METAP2: variants seen among roughly 807,000 people sequenced by gnomAD.
The protein encoded by METAP2 is methionyl aminopeptidase 2, also known as methionine aminopeptidase 2.
METAP2 carries 25 observed loss-of-function variants against 59.4 expected under a neutral mutation model. The observed-to-expected ratio is 0.42, with a 90% CI of 0.31 to 0.59. The LOEUF (loss-of-function observed/expected upper bound fraction) is 0.59, where lower values mean the gene tolerates loss of function less well. Among genes scored for constraint, METAP2 ranks in the 20% least tolerant of loss-of-function variants. The pLI is 0.16. For missense variants in METAP2, 366 were observed against 581.2 expected (o/e 0.63, Z 3.81); for synonymous variants, 214 against 194.1 (o/e 1.10, Z -0.85).
intron 2 of METAP2, chr12:95,482,266 C>T: frequency 2.5e-6 from 1 of 399,282 alleles, no homozygotes; most frequent in Non-Finnish European, 5.0e-6. Flanking sequence ...CGCATACCAC[C>T]ACACCTGGAT....
At chr12:95,478,787 A>C (rs2140137885) in intron 2 of METAP2, among the ~76,000 whole-genome samples, 1 of 152,326 alleles carries the variant, frequency 6.6e-6, no homozygotes, top group Non-Finnish European at 1.5e-5. Flanking sequence ...AAGGAATAGA[A>C]CTTGAGTAAA....
At position 95,485,977 on chromosome 12, in the gene METAP2, G is replaced by T. The variant is rs1016166036; in HGVS notation, c.424G>T (p.Asp142Tyr). Residue 142 changes from aspartate (D) to tyrosine (Y), a missense_variant, in exon 4 of 11, where the codon GAT (aspartate) becomes TAT (tyrosine). By Grantham distance (160) the Asp-to-Tyr change is radical. Around this residue, in one of 4 missense-constraint regions of METAP2, gnomAD observed 177 missense variants for 180.3 expected, o/e 0.98. Coordinates refer to ENST00000323666, the MANE Select transcript of METAP2 (RefSeq NM_006838.4). ...AGAATGCGAATACCCACCCACACAA[G>T]ATGGGTAAGGATCATCAAATCACTT... Reference protein sequence around the residue: ...GQECEYPPTQDGRTAAWRTTS... With the variant: ...GQECEYPPTQYGRTAAWRTTS... The T allele has an allele frequency of 6.4e-7, 1 of 1,558,556 alleles. No individual in the cohort carries two copies.
intron 8 of METAP2, among the ~76,000 whole-genome samples, chr12:95,506,907 C>T (rs77496390): frequency 0.028 from 4,314 of 151,852 alleles, 197 homozygotes; most frequent in African/African-American, 0.099. Context: ...CTCAGCCTCC[C>T]GAGTAGTTGG....
intron 8 of METAP2, among the ~76,000 whole-genome samples, chr12:95,507,693 C>G (rs67426220): frequency 0.077 from 11,663 of 152,222 alleles, 583 homozygotes; most frequent in African/African-American, 0.13. Flanking sequence ...CTCAGCCTTT[C>G]CCCTAGTGGC....
rs759372911 is a variant in METAP2, at chr12:95,483,258, AAAGAAG to A, written c.314_319del (p.Lys105_Lys106del). The A allele has an allele frequency of 1.9e-6, 3 of 1,611,650 alleles. No homozygotes were observed. The highest frequency in any genetic ancestry group is 1.7e-5 in the Admixed American group (1 of 59,978). ...ATGGAGCAACTGGAAAGAAGAAGAA[AAAGAAG>A]AAGAAGAAGAGAGGACGTTAGTGTC... is the stretch of plus-strand genomic sequence containing the variant. On this transcript the variant is annotated inframe_deletion, in exon 3 of 11. Coordinates refer to ENST00000323666, the MANE Select transcript of METAP2 (RefSeq NM_006838.4).
At chr12:95,498,176 G>T (rs1471164403) in intron 7 of METAP2, among the ~76,000 whole-genome samples, 1 of 150,136 alleles carries the variant, frequency 6.7e-6, no homozygotes, top group African/African-American at 2.4e-5. Context: ...TTGCTTTGTT[G>T]CCCAGGCTGA....
Position 95,483,244 on chromosome 12 carries a change from G to C in METAP2, c.289G>C (p.Gly97Arg). 6.2e-7 allele frequency: 1 copy of C among 1,612,882 alleles called. No homozygotes were observed. The change falls in exon 3 of 11, where the codon GGA becomes CGA. Residue 97 changes from glycine (G) to arginine (R), a missense_variant. Gly to Arg is a moderately radical substitution (Grantham distance 125). Transcript: ENST00000323666. ...AGATGGCGATGGAGATGGAGCAACT[G>C]GAAAGAAGAAGAAAAAGAAGAAGAA... ...DGDGDGDGATGKKKKKKKKKR... is the reference protein window; with the variant it reads ...DGDGDGDGATRKKKKKKKKKR...
At chr12:95,512,042 T>G in intron 9 of METAP2, 44 bp downstream of exon 9, 5 of 1,406,396 alleles carry the variant, frequency 3.6e-6, no homozygotes, top group Non-Finnish European at 5.0e-6. Flanking sequence ...AGACATTTTT[T>G]TCTTCCAAGC....
intron 2 of METAP2, among the ~76,000 whole-genome samples, chr12:95,480,133 A>C: frequency 6.6e-6 from 1 of 152,188 alleles, no homozygotes; most frequent in Non-Finnish European, 1.5e-5. Context: ...AGTATCCTAT[A>C]AATGGAATTA....
chr12:95,508,058 G>A (rs2076375606), intron 8 of METAP2, among the ~76,000 whole-genome samples: 1 of 151,824 alleles, frequency 6.6e-6, no homozygotes, highest in South Asian at 2.1e-4. Flanking sequence ...TGGGATTACA[G>A]GCGTGAGGCA....
At chr12:95,485,123 T>C (rs975607966) in intron 3 of METAP2, among the ~76,000 whole-genome samples, 1 of 152,202 alleles carries the variant, frequency 6.6e-6, no homozygotes, top group African/African-American at 2.4e-5. Context: ...TTGGATGTAA[T>C]ACATTATAAT....
intron 8 of METAP2, among the ~76,000 whole-genome samples, chr12:95,510,164 ATAT>A (rs2076392048): frequency 6.6e-6 from 1 of 152,096 alleles, no homozygotes; most frequent in African/African-American, 2.4e-5. Flanking sequence ...AAAATTTGAA[ATAT>A]TAACACAAAA....
chr12:95,504,280 A>G lies in METAP2; in HGVS notation c.964+119A>G, dbSNP rs2076340175. On this transcript the variant is annotated intron_variant, in intron 8 of 10. Transcript: ENST00000323666. ...TGGTAATTCAAGGAAAGAAGACGGG[A>G]AATGACCTGCTTAGAGCATGGTAGG... is the stretch of plus-strand genomic sequence containing the variant. 5.9e-6 allele frequency: 4 copies of G among 677,220 alleles called. No individual in the cohort carries two copies. In the South Asian group the frequency reaches 7.7e-5, roughly 13 times the overall value. 42.0% of individuals were successfully genotyped at this position (677,220 alleles called of 1,614,324 possible). A position where few individuals can be genotyped will look rare whatever the true frequency, so the allele number is the denominator to read the frequency against.
chr12:95,514,004 AC>A lies in METAP2; in HGVS notation c.*103del. ...CACATGTTGTCTGTTTTAACAGTGG[AC>A]CCATGTAATACTTTTATCCATGTTT... On this transcript the variant is annotated 3_prime_UTR_variant, in exon 11 of 11. Transcript: ENST00000323666. 7.7e-7 allele frequency: 1 copy of A among 1,301,504 alleles called. No individual in the cohort carries two copies. The highest frequency in any genetic ancestry group is 1.5e-5 in the South Asian group (1 of 67,166). 80.6% of individuals were successfully genotyped at this position (1,301,504 alleles called of 1,614,324 possible).
intron 2 of METAP2, among the ~76,000 whole-genome samples, chr12:95,480,016 C>T (rs2076147448): frequency 6.6e-6 from 1 of 152,164 alleles, no homozygotes; most frequent in Non-Finnish European, 1.5e-5. Flanking sequence ...TTTAACATTT[C>T]CATCTCCAGA....
intron 6 of METAP2, among the ~76,000 whole-genome samples, chr12:95,495,379 A>C (rs950649813): frequency 1.3e-5 from 2 of 152,166 alleles, no homozygotes; most frequent in South Asian, 2.1e-4. Context: ...ACTGTTGGGT[A>C]GTTGAGGTTT....
intron 1 of METAP2, among the ~76,000 whole-genome samples, chr12:95,475,262 G>A (rs2076109650): frequency 6.6e-6 from 1 of 152,236 alleles, no homozygotes; most frequent in Non-Finnish European, 1.5e-5. Context: ...AGGTCGAAGA[G>A]AGCTAATCTT....
Position 95,474,313 on chromosome 12 carries a change from G to A in METAP2, c.134G>A (p.Ser45Asn). The change falls in exon 1 of 11, where the codon AGC (serine) becomes AAC (asparagine). Residue 45 changes from serine to asparagine, a missense_variant. Ser to Asn is a conservative substitution (Grantham distance 46). This residue lies in a region of METAP2 where 177 missense variants were observed against 180.3 expected (regional missense o/e 0.98). Coordinates refer to ENST00000323666, the MANE Select transcript of METAP2 (RefSeq NM_006838.4). The part of the protein sequence containing the change: ...AKKKRRKKKK[S>N]KGPSAAGEQE... ...AAAAAAAGACGAAAGAAGAAGAAGAGCAAAGGGCCTTCTGCAGGTAAAGAG... is the reference window on the plus strand; with the variant it reads ...AAAAAAAGACGAAAGAAGAAGAAGAACAAAGGGCCTTCTGCAGGTAAAGAG... The A allele has an allele frequency of 6.2e-7, 1 of 1,614,068 alleles. No homozygotes were observed. Among genetic ancestry groups the A allele is most frequent in the Non-Finnish European group, 8.5e-7 (1 of 1,179,986 alleles).
At chr12:95,482,905 C>T (rs1169320184) in intron 2 of METAP2, among the ~76,000 whole-genome samples, 1 of 152,204 alleles carries the variant, frequency 6.6e-6, no homozygotes, top group Non-Finnish European at 1.5e-5. Flanking sequence ...CTTTGCTAAA[C>T]TGCTGCTTCC....
Sources: gnomAD v4.1 joint callset for allele counts (sites outside exome capture counted in the v4.1 genomes callset) on GRCh38, gnomAD v4.1.1 for gene constraint, gnomAD v4.1.1 regional missense constraint, MANE v1.5 for transcripts, NCBI Gene and HGNC (gene_info 2026-07-23, HGNC 2026-07-21) for gene names.